The following CADPS2 variants were observed in gnomAD, a reference collection of about 807,000 sequenced individuals.
The protein encoded by CADPS2 is calcium-dependent secretion activator 2.
Under a neutral mutation model 172.5 loss-of-function variants are expected in CADPS2, and 93 were observed. The observed-to-expected ratio is 0.54, with a 90% confidence interval of 0.46 to 0.64. CADPS2 has a LOEUF of 0.64. CADPS2 is among the 30% of genes least tolerant of loss of function. The pLI, the probability that CADPS2 is intolerant of heterozygous loss-of-function variation, is 0.00. For synonymous variants in CADPS2, 546 were observed against 555.2 expected (o/e 0.98, Z 0.23); for missense variants, 1,420 against 1,565.9 (o/e 0.91, Z 1.57).
intron 5 of CADPS2, among the ~76,000 whole-genome samples, chr7:122,615,935 T>C (rs2074860603): frequency 6.6e-6 from 1 of 152,096 alleles, no homozygotes; most frequent in African/African-American, 2.4e-5. Context: ...TGTACTAATT[T>C]AATTCAGTAC....
At chr7:122,591,004 ATTG>A in intron 6 of CADPS2, among the ~76,000 whole-genome samples, 1 of 152,092 alleles carries the variant, frequency 6.6e-6, no homozygotes, top group African/African-American at 2.4e-5. Flanking sequence ...TATCACCATC[ATTG>A]TTGTTGACAT....
At chr7:122,425,725 C>T (rs2049089192) in intron 17 of CADPS2, among the ~76,000 whole-genome samples, 1 of 152,152 alleles carries the variant, frequency 6.6e-6, no homozygotes, top group Non-Finnish European at 1.5e-5. Flanking sequence ...TTTATATATA[C>T]ATTGTATCCA....
Position 122,379,402 on chromosome 7 carries a change from CTGT to C in CADPS2, c.3350_3352del (p.Asn1117del). The stretch of plus-strand genomic sequence containing the variant: ...TAACAGTGAAATGATTTCTTTTACA[CTGT>C]TGTCGATCAGATCATCTATTTTTGA... On this transcript the variant is annotated inframe_deletion, in exon 25 of 30. Coordinates refer to ENST00000449022, the MANE Select transcript of CADPS2 (RefSeq NM_017954.11). 1 of 1,602,876 alleles carries C rather than the reference CTGT, an allele frequency of 6.2e-7. No homozygotes were observed. The highest frequency in any genetic ancestry group is 8.5e-7 in the Non-Finnish European group (1 of 1,171,826).
chr7:122,378,011 T>G (rs1859350), intron 25 of CADPS2, among the ~76,000 whole-genome samples: 22,384 of 152,192 alleles, frequency 0.15, 1,684 homozygotes, highest in Middle Eastern at 0.15. Flanking sequence ...CTGGTGTTTA[T>G]CCTAACAGTC....
intron 27 of CADPS2, among the ~76,000 whole-genome samples, chr7:122,347,288 T>A (rs972580553): frequency 4.0e-5 from 6 of 151,788 alleles, no homozygotes; most frequent in African/African-American, 1.5e-4. Context: ...TTCTTGCCAT[T>A]TTTTTTTGGA....
In CADPS2 at chr7:122,699,025, C is replaced by G. The variant is rs745712640; in HGVS notation, c.454-35456G>C. 9.6e-6 allele frequency: 7 copies of G among 728,302 alleles called. No homozygotes were observed. In the Admixed American group the frequency reaches 9.8e-5, roughly 10 times the overall value. The allele number at this position is 728,302 out of a possible 1,614,324, so 45.1% of individuals were successfully genotyped here. On this transcript the variant is annotated intron_variant, in intron 2 of 29. Transcript: ENST00000449022. ...AAAATCTTCAGGATACAAACAAGAT[C>G]CACTGTCTTCCAGCATGTTTTTGTA...
At chr7:122,758,713 G>A (rs931428023) in intron 1 of CADPS2, among the ~76,000 whole-genome samples, 2 of 152,088 alleles carry the variant, frequency 1.3e-5, no homozygotes, top group Non-Finnish European at 2.9e-5. Flanking sequence ...GCAGTCCTCA[G>A]AGCAGATGCT....
chr7:122,428,711 C>T (rs534932639), intron 17 of CADPS2, among the ~76,000 whole-genome samples: 6 of 152,066 alleles, frequency 3.9e-5, no homozygotes, highest in East Asian at 3.9e-4. Flanking sequence ...TCAGGTGATC[C>T]GCCCACCTTG....
intron 6 of CADPS2, among the ~76,000 whole-genome samples, chr7:122,605,054 T>A (rs1194796114): frequency 1.3e-5 from 2 of 152,120 alleles, no homozygotes; most frequent in African/African-American, 4.8e-5. Context: ...TGTAGACAAC[T>A]GTAACACAAA....
Position 122,407,861 on chromosome 7 carries a change from C to T in CADPS2, c.2590-165G>A, listed in dbSNP as rs1461556740. 1.2e-5 allele frequency: 7 copies of T among 607,998 alleles called. No homozygotes were observed. The East Asian group carries it at 2.0e-4, about 17-fold the overall frequency. The allele number at this position is 607,998 out of a possible 1,614,324, so 37.7% of individuals were successfully genotyped here. A position where few individuals can be genotyped will look rare whatever the true frequency, so the allele number is the denominator to read the frequency against. ...ACCTGAGAAAAATTTTATAGGTACA[C>T]ATTAAAATCATAGATTTGGCACTGA... On this transcript the variant is annotated intron_variant, in intron 19 of 29. Transcript: ENST00000449022.
Position 122,645,302 on chromosome 7 carries a change from T to TACGTACATGTGTGTATAC in CADPS2, c.787-15975_787-15974insGTATACACACATGTACGT, listed in dbSNP as rs1563946667. 1.0e-4 allele frequency among the ~76,000 whole-genome samples: 13 copies of TACGTACATGTGTGTATAC among 128,114 alleles called. 4 individuals carry two copies. Among genetic ancestry groups the TACGTACATGTGTGTATAC allele is most frequent in the East Asian group, 9.2e-4 (4 of 4,328 alleles). The allele number at this position is 128,114 out of a possible 152,430, so 84.0% of individuals were successfully genotyped here. A position where few individuals can be genotyped will look rare whatever the true frequency, so the allele number is the denominator to read the frequency against. The stretch of plus-strand genomic sequence containing the variant: ...ACACACATATGTACATATATACACA[T>TACGTACATGTGTGTATAC]ATGTACATGTGTGTATACATGTACA... On this transcript the variant is annotated intron_variant, in intron 3 of 29. Transcript: ENST00000449022.
intron 28 of CADPS2, among the ~76,000 whole-genome samples, chr7:122,327,974 T>A (rs957397402): frequency 3.9e-5 from 6 of 152,130 alleles, no homozygotes; most frequent in African/African-American, 7.2e-5. Flanking sequence ...AACGTATATT[T>A]TGGCTCCTAA....
intron 19 of CADPS2, among the ~76,000 whole-genome samples, chr7:122,412,534 T>C (rs1431893463): frequency 6.6e-6 from 1 of 152,222 alleles, no homozygotes; most frequent in Admixed American, 6.5e-5. Flanking sequence ...GTCCAGGCTC[T>C]TGTTGAAGCA....
chr7:122,604,766 T>C (rs2073271942), intron 6 of CADPS2, among the ~76,000 whole-genome samples: 1 of 152,160 alleles, frequency 6.6e-6, no homozygotes, highest in Non-Finnish European at 1.5e-5. Flanking sequence ...TCTGGTGCAT[T>C]TGAAACATTG....
At chr7:122,408,351 T>C (rs1489552732) in intron 19 of CADPS2, among the ~76,000 whole-genome samples, 1 of 152,144 alleles carries the variant, frequency 6.6e-6, no homozygotes, top group East Asian at 1.9e-4. Flanking sequence ...CATTTTAGAG[T>C]CTTCACACAT....
At chr7:122,778,710 T>C (rs529737629) in intron 1 of CADPS2, among the ~76,000 whole-genome samples, 2 of 152,370 alleles carry the variant, frequency 1.3e-5, no homozygotes, top group South Asian at 2.1e-4. Flanking sequence ...TGGCAGCTTC[T>C]GTGTGGTGTT....
At chr7:122,355,051 T>G (rs1207465914) in intron 27 of CADPS2, among the ~76,000 whole-genome samples, 1 of 152,210 alleles carries the variant, frequency 6.6e-6, no homozygotes, top group Non-Finnish European at 1.5e-5. Context: ...TTTTTTTCAT[T>G]CATAAAGTGT....
intron 7 of CADPS2, among the ~76,000 whole-genome samples, chr7:122,558,071 A>G (rs2065254623): frequency 6.6e-6 from 1 of 152,242 alleles, no homozygotes; most frequent in Non-Finnish European, 1.5e-5. Flanking sequence ...GTAAACTCTT[A>G]CAAACCTGAT....
chr7:122,608,080 G>A (rs1217628085), intron 6 of CADPS2, among the ~76,000 whole-genome samples: 2 of 152,044 alleles, frequency 1.3e-5, no homozygotes, highest in Non-Finnish European at 1.5e-5. Context: ...AGCTGGGTGT[G>A]GTGGTGCATG....
Sources: gnomAD v4.1 joint callset for allele counts (sites outside exome capture counted in the v4.1 genomes callset) on GRCh38, gnomAD v4.1.1 for gene constraint, MANE v1.5 for transcripts, NCBI Gene and HGNC (gene_info 2026-07-23, HGNC 2026-07-21) for gene names.